Variants in NYAP2 observed in about 807,000 individuals in gnomAD.
The protein encoded by NYAP2 is neuronal tyrosine-phosphorylated phosphoinositide-3-kinase adapter 2.
NYAP2 carries 23 observed loss-of-function variants against 50.4 expected under a neutral mutation model. That is an observed-to-expected ratio of 0.46 (90% confidence interval 0.33 to 0.65). The LOEUF (loss-of-function observed/expected upper bound fraction) is 0.65. Among genes scored for constraint, NYAP2 ranks in the 30% least tolerant of loss-of-function variants. The pLI, the probability that NYAP2 is intolerant of heterozygous loss-of-function variation, is 0.02. For missense variants in NYAP2, 885 were observed against 861.0 expected (o/e 1.03, Z -0.35); for synonymous variants, 394 against 365.2 (o/e 1.08, Z -0.90).
intron 4 of NYAP2, among the ~76,000 whole-genome samples, chr2:225,524,484 C>A (rs913717162): frequency 3.9e-5 from 6 of 152,174 alleles, no homozygotes; most frequent in African/African-American, 1.4e-4. Context: ...TGGCAACACC[C>A]TCACAGACAC....
intron 3 of NYAP2, among the ~76,000 whole-genome samples, chr2:225,423,667 G>A (rs1695247325): frequency 6.6e-6 from 1 of 152,128 alleles, no homozygotes; most frequent in Admixed American, 6.5e-5. Context: ...AATAATGCAT[G>A]CATGTTATGT....
At chr2:225,482,160 T>G (rs1388346751) in intron 3 of NYAP2, among the ~76,000 whole-genome samples, 1 of 152,186 alleles carries the variant, frequency 6.6e-6, no homozygotes, top group East Asian at 1.9e-4. Flanking sequence ...GTGACTTGAT[T>G]TAAAACCCTT....
At chr2:225,686,266 T>C in the NYAP2 span, among the ~76,000 whole-genome samples, 2 of 152,188 alleles carry the variant, frequency 1.3e-5, no homozygotes, top group African/African-American at 4.8e-5. Flanking sequence ...TCTTGTAATA[T>C]GCAAATGTGA....
intron 5 of NYAP2, among the ~76,000 whole-genome samples, chr2:225,590,321 T>C (rs980224172): frequency 6.6e-6 from 1 of 152,170 alleles, no homozygotes; most frequent in Non-Finnish European, 1.5e-5. Context: ...GGATGTGACC[T>C]TGGGGATGCG....
chr2:225,527,987 G>A (rs1313665323), intron 4 of NYAP2, among the ~76,000 whole-genome samples: 2 of 152,106 alleles, frequency 1.3e-5, no homozygotes, highest in Admixed American at 1.3e-4. Flanking sequence ...CCTAGTAAAA[G>A]CAATAATTAT....
At chr2:225,640,221 C>T (rs1229811818) in intron 6 of NYAP2, among the ~76,000 whole-genome samples, 2 of 152,212 alleles carry the variant, frequency 1.3e-5, no homozygotes, top group Non-Finnish European at 2.9e-5. Context: ...GTTATCTTCG[C>T]TCTCTAACCC....
intron 4 of NYAP2, among the ~76,000 whole-genome samples, chr2:225,581,524 T>C (rs1692267489): frequency 6.6e-6 from 1 of 152,240 alleles, no homozygotes; most frequent in Non-Finnish European, 1.5e-5. Flanking sequence ...GCAATCTGTA[T>C]GGTATTTTTG....
At chr2:225,461,816 A>G (rs1309573316) in intron 3 of NYAP2, among the ~76,000 whole-genome samples, 1 of 152,200 alleles carries the variant, frequency 6.6e-6, no homozygotes, top group African/African-American at 2.4e-5. Context: ...ATCATTGGTG[A>G]TAATAATTAT....
chr2:225,460,311 T>C (rs1390761292), intron 3 of NYAP2, among the ~76,000 whole-genome samples: 2 of 152,242 alleles, frequency 1.3e-5, no homozygotes, highest in Non-Finnish European at 2.9e-5. Context: ...GGGTTGTTCA[T>C]GGTAGATTAT....
Position 225,592,205 on chromosome 2 carries a change from G to A in NYAP2, c.1618+9170G>A, listed in dbSNP as rs528132072. Reference sequence around the variant, plus strand: ...CAGGTTTCTTTGGCCTGTCAGATACGCAGTACTGAGCTACCATCCTGGGAT... The same window carrying A: ...CAGGTTTCTTTGGCCTGTCAGATACACAGTACTGAGCTACCATCCTGGGAT... On this transcript the variant is annotated intron_variant, in intron 5 of 6. Transcript: ENST00000636099. Among the ~76,000 whole-genome samples, 3 of 152,232 alleles carry A rather than the reference G, an allele frequency of 2.0e-5. 1 individual carries two copies. The South Asian group carries it at 6.2e-4, about 32-fold the overall frequency.
chr2:225,501,455 T>C (rs1356837571), intron 3 of NYAP2, among the ~76,000 whole-genome samples: 1 of 152,192 alleles, frequency 6.6e-6, no homozygotes, highest in Non-Finnish European at 1.5e-5. Context: ...TAAAACAATA[T>C]GAGAGAGAGA....
At chr2:225,613,626 G>T (rs759762669) in intron 5 of NYAP2, among the ~76,000 whole-genome samples, 1 of 152,158 alleles carries the variant, frequency 6.6e-6, no homozygotes, top group Non-Finnish European at 1.5e-5. Flanking sequence ...CACTTAATAC[G>T]TGGTAGCTCT....
chr2:225,485,608 G>A (rs1005647090), intron 3 of NYAP2, among the ~76,000 whole-genome samples: 15 of 152,120 alleles, frequency 9.9e-5, no homozygotes, highest in African/African-American at 3.6e-4. Flanking sequence ...TTGGTGGGAG[G>A]GGTGTGTGTG....
intron 3 of NYAP2, among the ~76,000 whole-genome samples, chr2:225,417,146 A>T (rs1695139743): frequency 2.6e-5 from 4 of 152,172 alleles, no homozygotes; most frequent in Admixed American, 2.6e-4. Context: ...AGAAATTATT[A>T]TGGAGTAAGG....
the NYAP2 span, among the ~76,000 whole-genome samples, chr2:225,685,141 A>G: frequency 6.6e-6 from 1 of 152,196 alleles, no homozygotes; most frequent in Non-Finnish European, 1.5e-5. Context: ...TAGCTGTTTA[A>G]ACAATTATAA....
intron 4 of NYAP2, among the ~76,000 whole-genome samples, chr2:225,531,787 C>A (rs1042075597): frequency 6.6e-6 from 1 of 152,184 alleles, no homozygotes; most frequent in African/African-American, 2.4e-5. Flanking sequence ...TATAATACAG[C>A]AACCACTCTG....
chr2:225,579,309 A>T (rs1410720250), intron 4 of NYAP2, among the ~76,000 whole-genome samples: 1 of 152,156 alleles, frequency 6.6e-6, no homozygotes, highest in Admixed American at 6.5e-5. Flanking sequence ...GTCAACTCTG[A>T]TAATCTCACA....
intron 6 of NYAP2, among the ~76,000 whole-genome samples, chr2:225,629,333 G>A (rs1271757659): frequency 6.6e-6 from 1 of 152,074 alleles, no homozygotes; most frequent in Non-Finnish European, 1.5e-5. Flanking sequence ...CCTAGGTGAG[G>A]GTGATTTTCT....
exon 4 of NYAP2, chr2:225,513,474 C>A: frequency 1.2e-6 from 2 of 1,613,970 alleles, no homozygotes; most frequent in East Asian, 2.2e-5. Flanking sequence ...ACTTCCCCAT[C>A]CTTGCTCCAG....
Sources: gnomAD v4.1 joint callset for allele counts (sites outside exome capture counted in the v4.1 genomes callset) on GRCh38, gnomAD v4.1.1 for gene constraint, MANE v1.5 for transcripts, NCBI Gene and HGNC (gene_info 2026-07-23, HGNC 2026-07-21) for gene names.